Variants in UBAP2 observed in about 807,000 individuals in gnomAD.
The protein encoded by UBAP2 is ubiquitin associated protein 2.
UBAP2 carries 75 observed loss-of-function variants against 139.6 expected under a neutral mutation model. The observed-to-expected ratio is 0.54, with a 90% CI of 0.45 to 0.65. UBAP2 has a LOEUF of 0.65. UBAP2 is among the 30% of genes least tolerant of loss of function. UBAP2 has a pLI of 0.00. For missense variants in UBAP2, 1,368 were observed against 1,369.6 expected, an observed-to-expected ratio of 1.00 and a Z score of 0.02; for synonymous variants, 526 against 526.2, an observed-to-expected ratio of 1.00 and a Z score of 0.01.
chr9:34,039,228 G>A (rs1826801055), intron 1 of UBAP2, among the ~76,000 whole-genome samples: 2 of 150,784 alleles, frequency 1.3e-5, no homozygotes, highest in African/African-American at 2.4e-5. Context: ...CCCCGTTGGG[G>A]AGTTGGGGGG....
intron 11 of UBAP2, among the ~76,000 whole-genome samples, chr9:33,953,998 C>T (rs1381083327): frequency 1.3e-5 from 2 of 152,068 alleles, no homozygotes; most frequent in East Asian, 1.9e-4. Context: ...CCTCTGCCTC[C>T]CAGGCTTAAG....
In UBAP2 at chr9:33,974,173, T is replaced by C. The variant is rs538141623; in HGVS notation, c.521-936A>G. 3.3e-5 allele frequency among the ~76,000 whole-genome samples: 5 copies of C among 152,150 alleles called. 1 individual carries two copies. Among genetic ancestry groups the C allele is most frequent in the East Asian group, 1.9e-4 (1 of 5,182 alleles). The stretch of plus-strand genomic sequence containing the variant: ...CCACTGTATGCAAGCCTGGGTGACA[T>C]AGCAAGACTCTGTCTCAACAACAAC... On this transcript the variant is annotated intron_variant, in intron 6 of 28. Transcript: ENST00000379238.
rs1280506677 is a variant in UBAP2, at chr9:34,016,272, GAA to G, written c.99+776_99+777del. On this transcript the variant is annotated intron_variant, in intron 2 of 28. Coordinates refer to ENST00000379238, the MANE Select transcript of UBAP2 (RefSeq NM_001370062.2). ...AGGAGGAGGAGGAAGAGGAGGAAGA[GAA>G]GGAGGAAGAGGAGGAGGAGGAAGAG... Among the ~76,000 whole-genome samples, 36 of 20,048 alleles carry G rather than the reference GAA, an allele frequency of 1.8e-3. 1 individual carries two copies. The highest frequency in any genetic ancestry group is 3.7e-3 in the African/African-American group (34 of 9,074). The allele number at this position is 20,048 out of a possible 152,430, so 13.2% of individuals were successfully genotyped here.
chr9:33,973,904 T>C (rs926638989), intron 6 of UBAP2, among the ~76,000 whole-genome samples: 1 of 152,216 alleles, frequency 6.6e-6, no homozygotes, highest in Non-Finnish European at 1.5e-5. Context: ...ATGGACTTTA[T>C]GAAAATTAAA....
intron 6 of UBAP2, among the ~76,000 whole-genome samples, chr9:33,976,300 T>C (rs1280956138): frequency 2.0e-5 from 3 of 152,234 alleles, no homozygotes; most frequent in East Asian, 3.8e-4. Context: ...CATTATATTA[T>C]ATTGCCATAA....
intron 11 of UBAP2, among the ~76,000 whole-genome samples, chr9:33,954,108 T>C (rs945928290): frequency 6.6e-6 from 1 of 152,036 alleles, no homozygotes; most frequent in African/African-American, 2.4e-5. Context: ...GGTTTCACCA[T>C]GTTGGACAGG....
chr9:33,951,285 G>C (rs1251452734), intron 12 of UBAP2, among the ~76,000 whole-genome samples: 1 of 148,200 alleles, frequency 6.7e-6, no homozygotes, highest in Non-Finnish European at 1.5e-5. Context: ...CCAAAGTTCT[G>C]GGATTTACAG....
At chr9:34,025,332 G>A (rs1825315021) in intron 1 of UBAP2, among the ~76,000 whole-genome samples, 1 of 152,174 alleles carries the variant, frequency 6.6e-6, no homozygotes, top group African/African-American at 2.4e-5. Flanking sequence ...GGTTCCAAGA[G>A]AATTCTCAGA....
At chr9:34,010,043 G>A (rs891643252) in intron 2 of UBAP2, among the ~76,000 whole-genome samples, 4 of 148,234 alleles carry the variant, frequency 2.7e-5, no homozygotes, top group Non-Finnish European at 5.9e-5. Context: ...CTGACCTCAG[G>A]TGATCTACCT....
At chr9:33,980,630 T>C (rs2131099257) in intron 6 of UBAP2, among the ~76,000 whole-genome samples, 1 of 152,212 alleles carries the variant, frequency 6.6e-6, no homozygotes, top group South Asian at 2.1e-4. Context: ...TTGATATCTT[T>C]TTCTGCATAA....
At chr9:33,953,100 G>A (rs1005370363) in intron 12 of UBAP2, among the ~76,000 whole-genome samples, 185 bp downstream of exon 12, 1 of 152,148 alleles carries the variant, frequency 6.6e-6, no homozygotes, top group Non-Finnish European at 1.5e-5. Flanking sequence ...AAACTCCTGG[G>A]TTCAAGTAAT....
Position 33,922,587 on chromosome 9 carries a change from G to A in UBAP2, c.3277C>T (p.Gln1093Ter). Residue 1093 changes from glutamine (Q) to a stop codon, truncating the protein, a stop_gained, in exon 29 of 29, where the codon CAG becomes TAG. Coordinates refer to ENST00000379238, the MANE Select transcript of UBAP2 (RefSeq NM_001370062.2). LOFTEE classifies it high-confidence loss of function. ...LPQDAQSGSG[Q>*]RSQPSSLQPK... ...TGCAGGGAGCTGGGCTGGCTGCGCT[G>A]ACCCGAGCCACTCTGAGGAAGAGGA... The A allele has an allele frequency of 6.2e-7, 1 of 1,613,124 alleles. No individual in the cohort carries two copies. The highest frequency in any genetic ancestry group is 8.5e-7 in the Non-Finnish European group (1 of 1,179,690).
At chr9:33,999,677 C>A (rs1822517177) in intron 2 of UBAP2, among the ~76,000 whole-genome samples, 1 of 151,542 alleles carries the variant, frequency 6.6e-6, no homozygotes, top group Admixed American at 6.6e-5. Flanking sequence ...GATTACAGGC[C>A]TGAGCCACTG....
At chr9:33,954,387 C>T (rs74584297) in intron 11 of UBAP2, among the ~76,000 whole-genome samples, 1 of 151,794 alleles carries the variant, frequency 6.6e-6, no homozygotes, top group Non-Finnish European at 1.5e-5. Flanking sequence ...TCTTAAAACA[C>T]CCCCCAGACA....
At chr9:33,926,528 G>T in intron 22 of UBAP2, 89 bp downstream of exon 22, 2 of 1,444,178 alleles carry the variant, frequency 1.4e-6, no homozygotes, top group Non-Finnish European at 2.0e-6. Flanking sequence ...GATCCTAAGG[G>T]CCAGAGAGTG....
intron 6 of UBAP2, among the ~76,000 whole-genome samples, chr9:33,982,087 C>CT (rs1820816262): frequency 6.6e-6 from 1 of 152,064 alleles, no homozygotes; most frequent in Non-Finnish European, 1.5e-5. Context: ...GGCCCCACTC[C>CT]TTGCAGTTGC....
chr9:34,037,127 TAC>T (rs1170444872), intron 1 of UBAP2, among the ~76,000 whole-genome samples: 1 of 151,964 alleles, frequency 6.6e-6, no homozygotes, highest in East Asian at 1.9e-4. Flanking sequence ...TAGCTGAGAT[TAC>T]AGAGGCGTGC....
chr9:34,020,025 T>G (rs1169557770), intron 1 of UBAP2, among the ~76,000 whole-genome samples: 1 of 151,478 alleles, frequency 6.6e-6, no homozygotes, highest in African/African-American at 2.4e-5. Context: ...CCAGGCATGG[T>G]GGCAGACGCC....
Position 33,941,808 on chromosome 9 carries a change from A to C in UBAP2, c.1770T>G (p.Tyr590Ter). 6.2e-7 allele frequency: 1 copy of C among 1,614,098 alleles called. No individual in the cohort carries two copies. The stretch of plus-strand genomic sequence containing the variant: ...TGCAGGAGGTAATGACGGAAGTTGT[A>C]TATGTGGAGTTCTGTACTGCACTGG... ...SMTSAVQNST[Y>*]TTSVITSCSL... The change falls in exon 16 of 29, where the codon TAT becomes TAG. Residue 590 changes from tyrosine (Y) to a stop codon, truncating the protein, a stop_gained. Transcript: ENST00000379238. LOFTEE classifies it high-confidence loss of function.
Sources: allele counts gnomAD v4.1 joint callset (sites outside exome capture counted in the v4.1 genomes callset), GRCh38; gene constraint gnomAD v4.1.1; transcripts MANE v1.5; gene names NCBI Gene and HGNC (gene_info 2026-07-23, HGNC 2026-07-21).